Variants in STT3B observed in about 807,000 individuals in gnomAD.
STT3B encodes STT3 oligosaccharyltransferase complex catalytic subunit B, also known as dolichyl-diphosphooligosaccharide--protein glycosyltransferase subunit STT3B.
A neutral mutation model predicts 96.8 loss-of-function variants in STT3B; 29 were observed. That is an observed-to-expected ratio of 0.30 (90% CI 0.22 to 0.41). The LOEUF is 0.41. STT3B is among the 10% of genes least tolerant of loss of function. The probability of loss-of-function intolerance (pLI) is 1.00; values close to 1 mark genes in which losing one functional copy is unlikely to be tolerated. For synonymous variants in STT3B, 367 were observed against 360.0 expected (o/e 1.02, Z -0.22); for missense variants, 640 against 1,022.3 (o/e 0.63, Z 5.10).
chr3:31,618,624 C>A (rs1374693835), intron 8 of STT3B, among the ~76,000 whole-genome samples: 1 of 151,782 alleles, frequency 6.6e-6, no homozygotes, highest in Non-Finnish European at 1.5e-5. Context: ...TTGTTACTCC[C>A]CAGGTGGCTC....
intron 5 of STT3B, among the ~76,000 whole-genome samples, chr3:31,610,709 GGTTCT>G (rs755645762): frequency 5.3e-5 from 8 of 152,056 alleles, no homozygotes; most frequent in African/African-American, 9.7e-5. Flanking sequence ...GACATCTTTA[GGTTCT>G]GTTGAGATTA....
intron 5 of STT3B, among the ~76,000 whole-genome samples, chr3:31,605,902 C>T (rs769469342): frequency 6.6e-6 from 1 of 152,086 alleles, no homozygotes; most frequent in Non-Finnish European, 1.5e-5. Flanking sequence ...TGGCTTTGAC[C>T]AAAATGCTCA....
chr3:31,574,337 A>G (rs1466739158), intron 1 of STT3B, among the ~76,000 whole-genome samples: 2 of 151,976 alleles, frequency 1.3e-5, no homozygotes, highest in Non-Finnish European at 2.9e-5. Flanking sequence ...CTTGTTTTCA[A>G]TGTTAATTTC....
At chr3:31,542,150 A>G (rs1697290455) in intron 1 of STT3B, among the ~76,000 whole-genome samples, 1 of 152,210 alleles carries the variant, frequency 6.6e-6, no homozygotes, top group Admixed American at 6.5e-5. Context: ...GAAGAGAGAG[A>G]CATCGTCTTT....
intron 4 of STT3B, among the ~76,000 whole-genome samples, chr3:31,597,383 C>T (rs1698816942): frequency 6.6e-6 from 1 of 151,798 alleles, no homozygotes; most frequent in Non-Finnish European, 1.5e-5. Flanking sequence ...TGGTCTTGTA[C>T]ACCTGACCTC....
At chr3:31,583,399 G>C (rs1698457057) in intron 3 of STT3B, among the ~76,000 whole-genome samples, 1 of 151,936 alleles carries the variant, frequency 6.6e-6, no homozygotes. Flanking sequence ...TTGAACTCCT[G>C]GGCTCAAGCA....
In STT3B at chr3:31,596,779, A is replaced by G. The variant is rs1405764989; in HGVS notation, c.712-19A>G. The stretch of plus-strand genomic sequence containing the variant: ...CATTTGTAAACATTTTTATTATATC[A>G]GTTGCTTTTGTTTTTTAGGTAAAAT... On this transcript the variant is annotated intron_variant, in intron 3 of 15. Transcript: ENST00000295770. 8 of 1,574,816 alleles carry G rather than the reference A, an allele frequency of 5.1e-6. No homozygotes were observed. The East Asian group carries it at 1.8e-4, about 35-fold the overall frequency.
intron 5 of STT3B, among the ~76,000 whole-genome samples, chr3:31,604,715 T>TTA (rs2125465758): frequency 6.6e-6 from 1 of 152,334 alleles, no homozygotes; most frequent in East Asian, 1.9e-4. Flanking sequence ...AGTTTGGACT[T>TTA]TAACCATGTT....
intron 1 of STT3B, among the ~76,000 whole-genome samples, chr3:31,562,267 G>A (rs529772089): frequency 5.8e-4 from 89 of 152,256 alleles, no homozygotes; most frequent in Admixed American, 1.1e-3. Context: ...CTGGTATTGT[G>A]GTGGCTGCAA....
chr3:31,555,710 C>T (rs1697689695), intron 1 of STT3B, among the ~76,000 whole-genome samples: 1 of 151,994 alleles, frequency 6.6e-6, no homozygotes, highest in Admixed American at 6.5e-5. Flanking sequence ...AAGTGATAAA[C>T]TAGGACACCC....
chr3:31,632,082 C>CG (rs530906605), intron 14 of STT3B, among the ~76,000 whole-genome samples: 3 of 152,110 alleles, frequency 2.0e-5, no homozygotes, highest in Non-Finnish European at 4.4e-5. Flanking sequence ...TCTTGAACTC[C>CG]TGGGCTCAGG....
At chr3:31,613,333 C>T (rs1290191753) in intron 5 of STT3B, among the ~76,000 whole-genome samples, 1 of 152,116 alleles carries the variant, frequency 6.6e-6, no homozygotes, top group Non-Finnish European at 1.5e-5. Context: ...AGAAAGAAAT[C>T]CAGCTTCAGA....
intron 1 of STT3B, among the ~76,000 whole-genome samples, chr3:31,557,005 T>C (rs1322667565): frequency 1.3e-5 from 2 of 152,182 alleles, no homozygotes; most frequent in African/African-American, 4.8e-5. Context: ...TCTTCTACTT[T>C]TATAGTTTGG....
intron 1 of STT3B, among the ~76,000 whole-genome samples, chr3:31,572,115 A>G (rs1356813282): frequency 1.5e-5 from 2 of 133,156 alleles, no homozygotes; most frequent in African/African-American, 3.3e-5. Flanking sequence ...TATATATTAT[A>G]TATCTCAAAA....
intron 5 of STT3B, among the ~76,000 whole-genome samples, chr3:31,600,792 G>C (rs1217638037): frequency 6.6e-6 from 1 of 152,038 alleles, no homozygotes; most frequent in Non-Finnish European, 1.5e-5. Flanking sequence ...TACTGTAAGA[G>C]ATTGACATCC....
Position 31,629,425 on chromosome 3 carries a change from AT to A in STT3B, c.2187+19del. ...GGAGAAATGCAGGTTAGTTAAATCC[AT>A]TTTTCTCTAATTTTCATTCAAAATA... On this transcript the variant is annotated intron_variant, in intron 14 of 15. Transcript: ENST00000295770. 1 of 1,377,870 alleles carries A rather than the reference AT, an allele frequency of 7.3e-7. No individual in the cohort carries two copies. Among genetic ancestry groups the A allele is most frequent in the Non-Finnish European group, 1.0e-6 (1 of 982,068 alleles). The allele number at this position is 1,377,870 out of a possible 1,614,324, so 85.4% of individuals were successfully genotyped here. A position where few individuals can be genotyped will look rare whatever the true frequency, so the allele number is the denominator to read the frequency against.
At chr3:31,574,519 G>A (rs1200644906) in intron 1 of STT3B, among the ~76,000 whole-genome samples, 4 of 151,938 alleles carry the variant, frequency 2.6e-5, no homozygotes, top group African/African-American at 9.7e-5. Flanking sequence ...CATAATCCTC[G>A]CTTTGTAAAT....
intron 13 of STT3B, among the ~76,000 whole-genome samples, chr3:31,626,955 T>C (rs1699550872): frequency 6.6e-6 from 1 of 152,164 alleles, no homozygotes; most frequent in Non-Finnish European, 1.5e-5. Context: ...CCCCTGAAAC[T>C]TGCTTGTGCT....
intron 8 of STT3B, 96 bp from the exon 9 acceptor site, chr3:31,619,580 A>C: frequency 1.3e-4 from 121 of 905,890 alleles, no homozygotes; most frequent in Non-Finnish European, 1.8e-4. Flanking sequence ...GGTAGGGAGT[A>C]GGTACCATTT....
Sources: allele counts gnomAD v4.1 joint callset (sites outside exome capture counted in the v4.1 genomes callset), GRCh38; gene constraint gnomAD v4.1.1; transcripts MANE v1.5; gene names NCBI Gene and HGNC (gene_info 2026-07-23, HGNC 2026-07-21).